Variants in PRSS27 observed in about 807,000 individuals in gnomAD.
The protein encoded by PRSS27 is channel-activating protease 2.
In PRSS27, 25 loss-of-function variants were observed where a neutral mutation model predicts 32.0. The observed-to-expected ratio is 0.78, with a 90% confidence interval of 0.57 to 1.09. The LOEUF (loss-of-function observed/expected upper bound fraction) is 1.09, where lower values mean the gene tolerates loss of function less well. PRSS27 is among the 50% of genes least tolerant of loss of function. The probability of loss-of-function intolerance (pLI) is 0.00; values close to 1 mark genes in which losing one functional copy is unlikely to be tolerated. For synonymous variants in PRSS27, 178 were observed against 172.2 expected, an observed-to-expected ratio of 1.03 and a Z score of -0.26; for missense variants, 401 against 394.9, an observed-to-expected ratio of 1.02 and a Z score of -0.13.
chr16:2,716,071 A>G lies in PRSS27; in HGVS notation c.74-191T>C, dbSNP rs879901023. The G allele has an allele frequency of 2.7e-5, 14 of 516,342 alleles. 1 individual carries two copies. The highest frequency in any genetic ancestry group is 6.3e-5 in the South Asian group (2 of 31,998). 32.0% of individuals were successfully genotyped at this position (516,342 alleles called of 1,614,324 possible). On this transcript the variant is annotated intron_variant, in intron 2 of 5. Transcript: ENST00000302641. The stretch of plus-strand genomic sequence containing the variant: ...CAGACCCTCCCCAGCTGCCCCCCAA[A>G]GTCTCACTCTCCTCGCCGAGAAAGG...
In PRSS27 at chr16:2,714,677, AG is replaced by A. The variant is rs2067689967; in HGVS notation, c.237-342del. 2 of 325,956 alleles carry A rather than the reference AG, an allele frequency of 6.1e-6. No individual in the cohort carries two copies. The highest frequency in any genetic ancestry group is 1.2e-5 in the Non-Finnish European group (2 of 172,212). 20.2% of individuals were successfully genotyped at this position (325,956 alleles called of 1,614,324 possible). ...GAGAGAACCACCCTCCAGGTGCAGC[AG>A]GGCCAGCCCCACCTGCGGGCCTCTG... On this transcript the variant is annotated intron_variant, in intron 3 of 5. Transcript: ENST00000302641. This position sits in a 1 kb window ranked among gnomAD's most constrained non-coding sequence, Gnocchi z 4.7.
chr16:2,716,775 AG>A (rs2067704961), intron 1 of PRSS27: 4 of 553,046 alleles, frequency 7.2e-6, no homozygotes, highest in Non-Finnish European at 1.3e-5. Context: ...CCACATGGGG[AG>A]CCGGTCAGGA....
chr16:2,715,714 T>C lies in PRSS27; in HGVS notation c.236+4A>G. 1 of 1,525,710 alleles carries C rather than the reference T, an allele frequency of 6.6e-7. No individual in the cohort carries two copies. The highest frequency in any genetic ancestry group is 8.8e-7 in the Non-Finnish European group (1 of 1,139,800). The allele number at this position is 1,525,710 out of a possible 1,614,324, so 94.5% of individuals were successfully genotyped here. A position where few individuals can be genotyped will look rare whatever the true frequency, so the allele number is the denominator to read the frequency against. On this transcript the variant is annotated splice_donor_region_variant and intron_variant, in intron 3 of 5. Transcript: ENST00000302641. ...TGGGCGGGGGCAGGGGCGGGCGGACTCACTTGCGGAAGCAGTGCGCAGCCG... is the reference window on the plus strand; with the variant it reads ...TGGGCGGGGGCAGGGGCGGGCGGACCCACTTGCGGAAGCAGTGCGCAGCCG...
Position 2,715,881 on chromosome 16 carries a change from CTGGGGGAGCATGGGGAGCGGG to C in PRSS27, c.74-22_74-2del. On this transcript the variant is annotated splice_acceptor_variant and splice_polypyrimidine_tract_variant and intron_variant, in intron 2 of 5. Transcript: ENST00000302641. LOFTEE classifies it high-confidence loss of function. ...TTCAGCATCCTGGGGCGACCACAGG[CTGGGGGAGCATGGGGAGCGGG>C]TGGGGGCGCTCACTGGGGCTGGTTC... The C allele has an allele frequency of 6.4e-7, 1 of 1,565,710 alleles. No individual in the cohort carries two copies. The highest frequency in any genetic ancestry group is 8.7e-7 in the Non-Finnish European group (1 of 1,153,888).
At position 2,720,179 on chromosome 16, in the gene PRSS27, G is replaced by T; in HGVS notation, c.-19C>A. ...GCCTCATGTCCTCAGGCCTGGCTGG[G>T]GCGCAGGGCCGTGGTCGGCGGTGGC... On this transcript the variant is annotated 5_prime_UTR_variant, in exon 1 of 6. Coordinates refer to ENST00000302641, the MANE Select transcript of PRSS27 (RefSeq NM_031948.5). 6.3e-7 allele frequency: 1 copy of T among 1,584,456 alleles called. No homozygotes were observed. Among genetic ancestry groups the T allele is most frequent in the Non-Finnish European group, 8.6e-7 (1 of 1,165,576 alleles).
chr16:2,714,380 T>G lies in PRSS27; in HGVS notation c.237-44A>C, dbSNP rs781144592. On this transcript the variant is annotated intron_variant, in intron 3 of 5. Transcript: ENST00000302641. The surrounding 1 kb of genome is among the most constrained non-coding windows in gnomAD (Gnocchi z 4.7). ...AGGCGGCGTGAGGCGGCCCCTCGTG[T>G]GGGGACAGGCCCGGGAGGGGCTGGG... 2.5e-6 allele frequency: 4 copies of G among 1,601,234 alleles called. No individual in the cohort carries two copies. The highest frequency in any genetic ancestry group is 3.4e-6 in the Non-Finnish European group (4 of 1,178,024).
Position 2,715,896 on chromosome 16 carries a change from G to A in PRSS27, c.74-16C>T, listed in dbSNP as rs199511543. The A allele has an allele frequency of 1.9e-5, 30 of 1,549,012 alleles. No individual in the cohort carries two copies. The East Asian group carries it at 6.6e-4, about 34-fold the overall frequency. Reference sequence around the variant, plus strand: ...CGACCACAGGCTGGGGGAGCATGGGGAGCGGGTGGGGGCGCTCACTGGGGC... The same window carrying A: ...CGACCACAGGCTGGGGGAGCATGGGAAGCGGGTGGGGGCGCTCACTGGGGC... On this transcript the variant is annotated splice_polypyrimidine_tract_variant and intron_variant, in intron 2 of 5. Coordinates refer to ENST00000302641, the MANE Select transcript of PRSS27 (RefSeq NM_031948.5).
chr16:2,712,575 G>T lies in PRSS27; in HGVS notation c.*45C>A. ...CCAGCAGGATGGTGTGGGCGGGCAG[G>T]CTGGGTGCAGAGCTCTGCTCAAGGG... On this transcript the variant is annotated 3_prime_UTR_variant, in exon 6 of 6. Coordinates refer to ENST00000302641, the MANE Select transcript of PRSS27 (RefSeq NM_031948.5). The surrounding 1 kb of genome is among the most constrained non-coding windows in gnomAD (Gnocchi z 4.6). 1.3e-6 allele frequency: 2 copies of T among 1,513,958 alleles called. No individual in the cohort carries two copies. The highest frequency in any genetic ancestry group is 1.8e-4 in the Middle Eastern group (1 of 5,510). The allele number at this position is 1,513,958 out of a possible 1,614,324, so 93.8% of individuals were successfully genotyped here. A position where few individuals can be genotyped will look rare whatever the true frequency, so the allele number is the denominator to read the frequency against.
Position 2,712,466 on chromosome 16 carries a change from A to G in PRSS27, c.*154T>C, listed in dbSNP as rs1367429326. 1.6e-6 allele frequency: 1 copy of G among 636,896 alleles called. No homozygotes were observed. Among genetic ancestry groups the G allele is most frequent in the South Asian group, 2.4e-5 (1 of 42,066 alleles). 39.5% of individuals were successfully genotyped at this position (636,896 alleles called of 1,614,324 possible). ...TTATTGGGAGAAACATAAATAAAATAAGGGTATTTGAGAGGGGAGGAAGGA... is the reference window on the plus strand; with the variant it reads ...TTATTGGGAGAAACATAAATAAAATGAGGGTATTTGAGAGGGGAGGAAGGA... On this transcript the variant is annotated 3_prime_UTR_variant, in exon 6 of 6. Transcript: ENST00000302641. The surrounding 1 kb of genome is among the most constrained non-coding windows in gnomAD (Gnocchi z 4.6).
intron 1 of PRSS27, 47 bp downstream of exon 1, chr16:2,720,068 C>T (rs192150308): frequency 1.3e-6 from 2 of 1,537,984 alleles, no homozygotes; most frequent in African/African-American, 1.4e-5. Flanking sequence ...TGCAGCGGAG[C>T]CTGGTGGGGG....
intron 1 of PRSS27, chr16:2,718,139 C>T (rs1263561585): frequency 6.6e-6 from 1 of 152,212 alleles, no homozygotes; most frequent in Non-Finnish European, 1.5e-5. Flanking sequence ...GGAGCTGTGT[C>T]TCCATGCTCC....
chr16:2,712,485 G>T lies in PRSS27; in HGVS notation c.*135C>A. 1 of 694,052 alleles carries T rather than the reference G, an allele frequency of 1.4e-6. No individual in the cohort carries two copies. The highest frequency in any genetic ancestry group is 2.3e-6 in the Non-Finnish European group (1 of 428,482). The allele number at this position is 694,052 out of a possible 1,614,324, so 43.0% of individuals were successfully genotyped here. ...TAAAATAAGGGTATTTGAGAGGGGA[G>T]GAAGGAGCGCTATTTACAAATGAGT... On this transcript the variant is annotated 3_prime_UTR_variant, in exon 6 of 6. Transcript: ENST00000302641. The surrounding 1 kb of genome is among the most constrained non-coding windows in gnomAD (Gnocchi z 4.6).
rs901370253 is a variant in PRSS27 at position 2,712,575 on chromosome 16, G to C, written c.*45C>G. The C allele has an allele frequency of 6.6e-7, 1 of 1,513,962 alleles. No individual in the cohort carries two copies. The highest frequency in any genetic ancestry group is 1.2e-5 in the South Asian group (1 of 82,404). 93.8% of individuals were successfully genotyped at this position (1,513,962 alleles called of 1,614,324 possible). ...CCAGCAGGATGGTGTGGGCGGGCAG[G>C]CTGGGTGCAGAGCTCTGCTCAAGGG... On this transcript the variant is annotated 3_prime_UTR_variant, in exon 6 of 6. Transcript: ENST00000302641. This position sits in a 1 kb window ranked among gnomAD's most constrained non-coding sequence, Gnocchi z 4.6.
Position 2,714,428 on chromosome 16 carries a change from C to A in PRSS27, c.237-92G>T, listed in dbSNP as rs761319514. On this transcript the variant is annotated intron_variant, in intron 3 of 5. Coordinates refer to ENST00000302641, the MANE Select transcript of PRSS27 (RefSeq NM_031948.5). The surrounding 1 kb of genome is among the most constrained non-coding windows in gnomAD (Gnocchi z 4.7). ...GGGGCTCCTCTGGCCACCACCGTGC[C>A]CCACACCTCTCTCTGCACAATGTCT... The A allele has an allele frequency of 2.1e-5, 28 of 1,318,310 alleles. No individual in the cohort carries two copies. The Admixed American group carries it at 2.5e-4, about 12-fold the overall frequency. The allele number at this position is 1,318,310 out of a possible 1,614,324, so 81.7% of individuals were successfully genotyped here.
intron 3 of PRSS27, chr16:2,715,116 T>C (rs1341961292): frequency 6.6e-6 from 1 of 151,576 alleles, no homozygotes; most frequent in Admixed American, 6.6e-5. Flanking sequence ...GATATTCTTT[T>C]AAAGATCAAG....
At chr16:2,715,901 G>C in intron 2 of PRSS27, 21 bp from the exon 3 acceptor site, 5 of 1,539,678 alleles carry the variant, frequency 3.2e-6, no homozygotes, top group Non-Finnish European at 2.6e-6. Context: ...ATGGGGAGCG[G>C]GTGGGGGCGC....
At position 2,714,434 on chromosome 16, in the gene PRSS27, CCT is replaced by C. The variant is rs2142065765; in HGVS notation, c.237-100_237-99del. On this transcript the variant is annotated intron_variant, in intron 3 of 5. Coordinates refer to ENST00000302641, the MANE Select transcript of PRSS27 (RefSeq NM_031948.5). This position sits in a 1 kb window ranked among gnomAD's most constrained non-coding sequence, Gnocchi z 4.7. ...CCTCTGGCCACCACCGTGCCCCACA[CCT>C]CTCTCTGCACAATGTCTTCGAGAGT... 1 of 1,324,452 alleles carries C rather than the reference CCT, an allele frequency of 7.6e-7. No individual in the cohort carries two copies. The highest frequency in any genetic ancestry group is 1.1e-6 in the Non-Finnish European group (1 of 950,416). The allele number at this position is 1,324,452 out of a possible 1,614,324, so 82.0% of individuals were successfully genotyped here. A position where few individuals can be genotyped will look rare whatever the true frequency, so the allele number is the denominator to read the frequency against.
chr16:2,715,442 C>T, intron 3 of PRSS27: 1 of 416,222 alleles, frequency 2.4e-6, no homozygotes, highest in East Asian at 4.3e-5. Context: ...GCCGCTTCTG[C>T]AGGGACCCAC....
In PRSS27 at chr16:2,714,350, C is replaced by G; in HGVS notation, c.237-14G>C. 1 of 1,610,588 alleles carries G rather than the reference C, an allele frequency of 6.2e-7. No homozygotes were observed. The highest frequency in any genetic ancestry group is 1.1e-5 in the South Asian group (1 of 91,016). Reference sequence around the variant, plus strand: ...GTCTCAGAGGTGCTGGCGGGAGAAACAGAGAGGCGGCGTGAGGCGGCCCCT... The same window carrying G: ...GTCTCAGAGGTGCTGGCGGGAGAAAGAGAGAGGCGGCGTGAGGCGGCCCCT... On this transcript the variant is annotated splice_polypyrimidine_tract_variant and intron_variant, in intron 3 of 5. Transcript: ENST00000302641. This position sits in a 1 kb window ranked among gnomAD's most constrained non-coding sequence, Gnocchi z 4.7.
Sources: allele counts gnomAD v4.1 joint callset, GRCh38; gene constraint gnomAD v4.1.1; non-coding constraint Gnocchi (gnomAD v3.1); transcripts MANE v1.5; gene names NCBI Gene and HGNC (gene_info 2026-07-23, HGNC 2026-07-21).